TMBIM4: variants seen among roughly 807,000 people sequenced by gnomAD.
TMBIM4 encodes transmembrane BAX inhibitor motif containing 4, also known as protein lifeguard 4.
Under a neutral mutation model 27.7 loss-of-function variants are expected in TMBIM4, and 28 were observed. The observed-to-expected ratio is 1.01, with a 90% CI of 0.75 to 1.38. The LOEUF is 1.38. TMBIM4 is among the 40% of genes most tolerant of loss of function. The pLI is 0.00. For synonymous variants in TMBIM4, 115 were observed against 113.1 expected (o/e 1.02, Z -0.11); for missense variants, 265 against 277.5 (o/e 0.95, Z 0.32).
At position 66,153,410 on chromosome 12, in the gene TMBIM4, C is replaced by A. The variant is rs957578484; in HGVS notation, c.136G>T (p.Val46Phe). The A allele has an allele frequency of 6.3e-6, 10 of 1,599,436 alleles. No homozygotes were observed. Among genetic ancestry groups the A allele is most frequent in the Non-Finnish European group, 8.5e-6 (10 of 1,175,244 alleles). The change falls in exon 2 of 7, where the codon GTT becomes TTT. Residue 46 changes from valine (V) to phenylalanine (F), a missense_variant. Coordinates refer to ENST00000358230, the MANE Select transcript of TMBIM4 (RefSeq NM_016056.4). Reference protein sequence around the residue: ...RKVYSILSLQVLLTTVTSTVF... With the variant: ...RKVYSILSLQFLLTTVTSTVF... ...GTTGAAGTCACTGTAGTTAAGAGAA[C>A]CTGCAGAGAAAGAATGCTGTAGACT...
At chr12:66,169,411 A>G (rs537209630) in intron 1 of TMBIM4, 2 of 546,886 alleles carry the variant, frequency 3.7e-6, no homozygotes, top group East Asian at 6.4e-5. Flanking sequence ...GACGGTAAAT[A>G]TAAGCCTGTA....
chr12:66,140,332 T>C (rs2051648012), intron 5 of TMBIM4, among the ~76,000 whole-genome samples: 1 of 152,076 alleles, frequency 6.6e-6, no homozygotes, highest in Non-Finnish European at 1.5e-5. Flanking sequence ...TGAACTTTAA[T>C]TGATTAAAAA....
intron 3 of TMBIM4, 92 bp from the exon 4 acceptor site, chr12:66,148,033 G>T: frequency 2.6e-6 from 3 of 1,173,934 alleles, no homozygotes; most frequent in Non-Finnish European, 3.7e-6. Context: ...GATCCCATAT[G>T]AATGATCTCA....
intron 1 of TMBIM4, among the ~76,000 whole-genome samples, chr12:66,157,144 A>AT (rs898981227): frequency 1.5e-4 from 23 of 152,120 alleles, no homozygotes; most frequent in Non-Finnish European, 2.6e-4. Context: ...AAATCTTAAG[A>AT]TTTTTTTTAG....
chr12:66,144,642 C>T (rs1026480838), intron 5 of TMBIM4: 7 of 152,026 alleles, frequency 4.6e-5, no homozygotes, highest in Admixed American at 1.3e-4. Context: ...AGATGCTAGG[C>T]GAAAACCCAA....
chr12:66,147,691 CCTTTT>C (rs2136857623), intron 4 of TMBIM4, among the ~76,000 whole-genome samples: 1 of 152,238 alleles, frequency 6.6e-6, no homozygotes, highest in South Asian at 2.1e-4. Context: ...GTTCTCCATT[CCTTTT>C]ATTTTTCTTT....
chr12:66,144,460 T>C (rs569601473), intron 5 of TMBIM4, among the ~76,000 whole-genome samples: 104 of 152,246 alleles, frequency 6.8e-4, no homozygotes, highest in African/African-American at 2.5e-3. Flanking sequence ...ATCAATGCAC[T>C]AAGCAGGGGT....
At chr12:66,166,091 T>C (rs2136888110) in intron 1 of TMBIM4, among the ~76,000 whole-genome samples, 1 of 152,306 alleles carries the variant, frequency 6.6e-6, no homozygotes, top group East Asian at 1.9e-4. Context: ...GTATACAGTT[T>C]AAGGTAAGCA....
chr12:66,146,883 A>T (rs2051760814), intron 4 of TMBIM4, among the ~76,000 whole-genome samples: 1 of 152,148 alleles, frequency 6.6e-6, no homozygotes, highest in Non-Finnish European at 1.5e-5. Flanking sequence ...ATTTAAGTAT[A>T]CGATTAGGTT....
chr12:66,161,269 C>G (rs2052036255), intron 1 of TMBIM4: 1 of 152,642 alleles, frequency 6.6e-6, no homozygotes, highest in Non-Finnish European at 1.5e-5. Context: ...GAGACAGAGT[C>G]TTGCTCTGTC....
chr12:66,142,118 C>A (rs1169953179), intron 5 of TMBIM4, among the ~76,000 whole-genome samples: 2 of 151,910 alleles, frequency 1.3e-5, no homozygotes, highest in African/African-American at 2.4e-5. Context: ...AAAATAAGTT[C>A]TCTCACAGTA....
At chr12:66,147,385 A>G (rs1217515867) in intron 4 of TMBIM4, among the ~76,000 whole-genome samples, 1 of 152,202 alleles carries the variant, frequency 6.6e-6, no homozygotes, top group African/African-American at 2.4e-5. Flanking sequence ...TTGAGGCATT[A>G]CATAGGGTAC....
At chr12:66,147,777 T>C in intron 4 of TMBIM4, 131 bp downstream of exon 4, 1 of 597,748 alleles carries the variant, frequency 1.7e-6, no homozygotes, top group African/African-American at 1.9e-5. Flanking sequence ...TAGAAATTAT[T>C]TGTCCTATGC....
chr12:66,162,385 A>C (rs2052056922), intron 1 of TMBIM4, among the ~76,000 whole-genome samples: 1 of 152,224 alleles, frequency 6.6e-6, no homozygotes, highest in Admixed American at 6.5e-5. Flanking sequence ...CATGGAATGC[A>C]TTTGCCACAG....
At chr12:66,162,992 A>G (rs1478837385) in intron 1 of TMBIM4, among the ~76,000 whole-genome samples, 2 of 152,208 alleles carry the variant, frequency 1.3e-5, no homozygotes, top group Non-Finnish European at 2.9e-5. Flanking sequence ...CATACATTAG[A>G]AAGGGGCTGT....
chr12:66,147,963 T>C lies in TMBIM4; in HGVS notation c.313-22A>G, dbSNP rs775236869. On this transcript the variant is annotated intron_variant, in intron 3 of 6. Transcript: ENST00000358230. ...GCGTCTAATGAAAAGAAACTTAAAT[T>C]AGTGACTGTAAAATTTATACTATCT... 2.0e-5 allele frequency: 32 copies of C among 1,605,052 alleles called. No individual in the cohort carries two copies. In the South Asian group the frequency reaches 3.6e-4, roughly 18 times the overall value.
At chr12:66,163,433 A>G (rs2136884191) in intron 1 of TMBIM4, among the ~76,000 whole-genome samples, 1 of 152,286 alleles carries the variant, frequency 6.6e-6, no homozygotes, top group South Asian at 2.1e-4. Context: ...ACATTTCTAC[A>G]GCGGGGGAAG....
intron 5 of TMBIM4, 132 bp downstream of exon 5, chr12:66,145,709 A>C: frequency 3.6e-6 from 2 of 549,924 alleles, no homozygotes; most frequent in Non-Finnish European, 6.6e-6. Flanking sequence ...CCTAGTACTC[A>C]AAGAGATGAT....
chr12:66,167,957 TG>T (rs1161942486), intron 1 of TMBIM4, among the ~76,000 whole-genome samples: 1 of 152,180 alleles, frequency 6.6e-6, no homozygotes, highest in Non-Finnish European at 1.5e-5. Context: ...CAGTGGCTCA[TG>T]CCTGTAATCC....
Sources: allele counts gnomAD v4.1 joint callset (sites outside exome capture counted in the v4.1 genomes callset), GRCh38; gene constraint gnomAD v4.1.1; transcripts MANE v1.5; gene names NCBI Gene and HGNC (gene_info 2026-07-23, HGNC 2026-07-21).